VDR: variants seen among roughly 807,000 people sequenced by gnomAD.
VDR encodes the protein vitamin D3 receptor.
VDR carries 19 observed loss-of-function variants against 39.7 expected under a neutral mutation model. The ratio of observed to expected loss-of-function variants is 0.48; its 90% CI spans 0.33 to 0.70. The LOEUF is 0.70. Among genes scored for constraint, VDR ranks in the 30% least tolerant of loss-of-function variants. VDR has a pLI of 0.02. For synonymous variants in VDR, 242 were observed against 215.8 expected, an observed-to-expected ratio of 1.12 and a Z score of -1.07; for missense variants, 442 against 570.5, an observed-to-expected ratio of 0.77 and a Z score of 2.29.
intron 1 of VDR, among the ~76,000 whole-genome samples, chr12:47,888,419 C>T (rs7958422): frequency 0.013 from 2,038 of 152,258 alleles, 31 homozygotes; most frequent in Admixed American, 0.055. Context: ...CTTCTTGGAG[C>T]GTGGCAGGAC....
rs551525180 is a variant in VDR at position 47,890,828 on chromosome 12, G to A, written c.-83-8054C>T. On this transcript the variant is annotated intron_variant, in intron 1 of 9. Transcript: ENST00000549336. The stretch of plus-strand genomic sequence containing the variant: ...AAATGGGAGCCACTGGTCCCCATCT[G>A]CAGCTACAACTCAAGATGTCTACAG... 4.6e-5 allele frequency among the ~76,000 whole-genome samples: 7 copies of A among 152,290 alleles called. No homozygotes were observed. The East Asian group carries it at 1.4e-3, about 29-fold the overall frequency.
At chr12:47,902,703 A>G (rs4760658) in intron 1 of VDR, among the ~76,000 whole-genome samples, 41,910 of 152,142 alleles carry the variant, frequency 0.28, 6,574 homozygotes, top group Non-Finnish European at 0.35. Context: ...CTGCACAGGC[A>G]ACAGCGAGTT....
chr12:47,854,641 T>C (rs1565611694), intron 7 of VDR, among the ~76,000 whole-genome samples: 1 of 152,134 alleles, frequency 6.6e-6, no homozygotes, highest in Non-Finnish European at 1.5e-5. Context: ...CCAGCTGGAG[T>C]GAACACAGCA....
intron 3 of VDR, among the ~76,000 whole-genome samples, chr12:47,871,573 C>T (rs1340978564): frequency 6.6e-6 from 1 of 151,334 alleles, no homozygotes; most frequent in Non-Finnish European, 1.5e-5. Context: ...AATCGATTCT[C>T]TTGCTTCAGC....
chr12:47,873,386 G>A (rs1286587993), intron 3 of VDR, among the ~76,000 whole-genome samples: 3 of 76,436 alleles, frequency 3.9e-5, no homozygotes, highest in South Asian at 4.6e-4. Flanking sequence ...TTTTTGAGAC[G>A]GAGTCTCGCT....
chr12:47,898,578 G>C (rs1272170340), intron 1 of VDR: 1 of 154,526 alleles, frequency 6.5e-6, no homozygotes, highest in Non-Finnish European at 1.5e-5. Flanking sequence ...ACCCCTAGCA[G>C]TACTGTCCTA....
intron 2 of VDR, 66 bp downstream of exon 2, chr12:47,882,628 T>TCCCCCCCCCCCCCCCCCC: frequency 2.7e-5 from 5 of 187,188 alleles, no homozygotes; most frequent in Non-Finnish European, 4.0e-5. Context: ...CTTATGCCCC[T>TCCCCCCCCCCCCCCCCCC]CCCCCCCACC....
chr12:47,862,256 C>T lies in VDR; in HGVS notation c.277+2791G>A, dbSNP rs191922680. On this transcript the variant is annotated intron_variant, in intron 4 of 9. Coordinates refer to ENST00000549336, the MANE Select transcript of VDR (RefSeq NM_000376.3). The stretch of plus-strand genomic sequence containing the variant: ...GAGAGAAAATGAGTCTTTGGTGGGA[C>T]CAAGCTCTCTTCAATCCATCTCTTA... 1.1e-4 allele frequency among the ~76,000 whole-genome samples: 17 copies of T among 152,310 alleles called. No homozygotes were observed. In the East Asian group the frequency reaches 3.1e-3, roughly 28 times the overall value.
chr12:47,897,275 G>T (rs749451182), intron 1 of VDR, among the ~76,000 whole-genome samples: 1 of 152,224 alleles, frequency 6.6e-6, no homozygotes, highest in African/African-American at 2.4e-5. Context: ...GTGAGTTATA[G>T]TAACCATTGG....
intron 7 of VDR, among the ~76,000 whole-genome samples, chr12:47,852,101 G>A (rs1044783236): frequency 1.3e-5 from 2 of 152,204 alleles, no homozygotes; most frequent in Admixed American, 1.3e-4. Context: ...AGTGAAGGGG[G>A]CAGCATTGGA....
At chr12:47,869,535 CAAAAAAAAAAAA>C (rs33940574) in intron 3 of VDR, among the ~76,000 whole-genome samples, 1 of 68,968 alleles carries the variant, frequency 1.4e-5, no homozygotes, top group Non-Finnish European at 2.5e-5. Flanking sequence ...GACTCCATCT[CAAAAAAAAAAAA>C]AAAAAAAAAA....
chr12:47,862,942 A>G (rs777171796), intron 4 of VDR, among the ~76,000 whole-genome samples: 2 of 152,212 alleles, frequency 1.3e-5, no homozygotes, highest in Non-Finnish European at 2.9e-5. Context: ...AGAACTGAGT[A>G]CTGCTCCCTG....
intron 2 of VDR, among the ~76,000 whole-genome samples, chr12:47,881,689 C>T (rs1187368378): frequency 5.9e-5 from 9 of 152,174 alleles, no homozygotes; most frequent in South Asian, 2.1e-4. Flanking sequence ...ATATACAAAA[C>T]GTTTCATAAT....
Position 47,844,488 on chromosome 12 carries a change from T to C in VDR, c.*258A>G, listed in dbSNP as rs1389723986. Reference sequence around the variant, plus strand: ...AAGGCCCTGCCTCCAGCCTCTGCCCTCTGCCCCCACTTGGGTTTCTTTGTC... The same window carrying C: ...AAGGCCCTGCCTCCAGCCTCTGCCCCCTGCCCCCACTTGGGTTTCTTTGTC... On this transcript the variant is annotated 3_prime_UTR_variant, in exon 10 of 10. Coordinates refer to ENST00000549336, the MANE Select transcript of VDR (RefSeq NM_000376.3). 5.0e-6 allele frequency: 3 copies of C among 594,080 alleles called. No homozygotes were observed. Among genetic ancestry groups the C allele is most frequent in the Non-Finnish European group, 9.0e-6 (3 of 334,810 alleles). 36.8% of individuals were successfully genotyped at this position (594,080 alleles called of 1,614,324 possible).
At position 47,844,994 on chromosome 12, in the gene VDR, C is replaced by A; in HGVS notation, c.1036G>T (p.Val346Leu). The change falls in exon 10 of 10, where the codon GTG becomes TTG. Residue 346 changes from valine (V) to leucine (L), a missense_variant. Around this residue, in one of 5 missense-constraint regions of VDR, gnomAD observed 173 missense variants for 252.0 expected, o/e 0.69. Coordinates refer to ENST00000549336, the MANE Select transcript of VDR (RefSeq NM_000376.3). ...GCCTCAATCAGCGCGGCGTCCTGCA[C>A]CCCAGGACGATCTGTGGGCACGGGG... is the stretch of plus-strand genomic sequence containing the variant. ...ICIVSPDRPGVQDAALIEAIQ... is the reference protein window; with the variant it reads ...ICIVSPDRPGLQDAALIEAIQ... The A allele has an allele frequency of 6.2e-7, 1 of 1,612,574 alleles. No homozygotes were observed. Among genetic ancestry groups the A allele is most frequent in the Non-Finnish European group, 8.5e-7 (1 of 1,179,866 alleles).
chr12:47,864,784 C>T (rs1945694377), intron 4 of VDR, among the ~76,000 whole-genome samples: 1 of 152,204 alleles, frequency 6.6e-6, no homozygotes, highest in Admixed American at 6.5e-5. Context: ...CCTCTCAGGC[C>T]CCACTCTGGA....
chr12:47,865,183 G>A lies in VDR; in HGVS notation c.147-6C>T, dbSNP rs377205986. 77 of 1,610,908 alleles carry A rather than the reference G, an allele frequency of 4.8e-5. No homozygotes were observed. Among genetic ancestry groups the A allele is most frequent in the Non-Finnish European group, 5.6e-5 (66 of 1,178,482 alleles). ...CCTTCCGCTTCATGCTTCGCCTGCC[G>A]AGAGAGCACACACCCTGCCCTGGGT... On this transcript the variant is annotated splice_region_variant and splice_polypyrimidine_tract_variant and intron_variant, in intron 3 of 9. Coordinates refer to ENST00000549336, the MANE Select transcript of VDR (RefSeq NM_000376.3).
chr12:47,894,384 G>A (rs1946426462), intron 1 of VDR, among the ~76,000 whole-genome samples: 2 of 152,248 alleles, frequency 1.3e-5, no homozygotes, highest in African/African-American at 4.8e-5. Flanking sequence ...GACTAGCTCA[G>A]AACCTAGATT....
At chr12:47,894,951 C>A (rs997116698) in intron 1 of VDR, among the ~76,000 whole-genome samples, 5 of 152,252 alleles carry the variant, frequency 3.3e-5, no homozygotes, top group African/African-American at 1.2e-4. Context: ...CCAGGAGTTT[C>A]CATCCTCCGT....
Sources: gnomAD v4.1 joint callset for allele counts (sites outside exome capture counted in the v4.1 genomes callset) on GRCh38, gnomAD v4.1.1 for gene constraint, gnomAD v4.1.1 regional missense constraint, MANE v1.5 for transcripts, NCBI Gene and HGNC (gene_info 2026-07-23, HGNC 2026-07-21) for gene names.